The following FGF12 variants were observed in gnomAD, a reference collection of about 807,000 sequenced individuals.
The protein encoded by FGF12 is fibroblast growth factor 12.
In FGF12, 14 loss-of-function variants were observed where a neutral mutation model predicts 23.6. The observed-to-expected ratio is 0.59, with a 90% CI of 0.39 to 0.93. FGF12 has a LOEUF of 0.93. FGF12 is among the 40% of genes least tolerant of loss of function. The pLI is 0.00. For synonymous variants in FGF12, 62 were observed against 77.3 expected (o/e 0.80, Z 1.04); for missense variants, 175 against 217.8 (o/e 0.80, Z 1.24).
chr3:192,512,859 T>TATATATATATATATATATATATATAAAA (rs376386122), intron 2 of FGF12, among the ~76,000 whole-genome samples: 10 of 57,404 alleles, frequency 1.7e-4, no homozygotes, highest in African/African-American at 5.2e-4. Flanking sequence ...TATATATATA[T>TATATATATATATATATATATATATAAAA]AACAGGCTAT....
intron 4 of FGF12, among the ~76,000 whole-genome samples, chr3:192,286,534 T>C (rs1454469144): frequency 6.6e-6 from 1 of 152,020 alleles, no homozygotes; most frequent in African/African-American, 2.4e-5. Context: ...GTTTCACATA[T>C]GCTTACAAAT....
At chr3:192,397,283 T>C (rs1720566161) in intron 2 of FGF12, among the ~76,000 whole-genome samples, 1 of 152,176 alleles carries the variant, frequency 6.6e-6, no homozygotes, top group South Asian at 2.1e-4. Flanking sequence ...CCAGGGATTG[T>C]CAGGGAAAGA....
intron 2 of FGF12, among the ~76,000 whole-genome samples, chr3:192,607,762 G>A (rs905941523): frequency 1.3e-5 from 2 of 150,206 alleles, no homozygotes; most frequent in African/African-American, 2.5e-5. Flanking sequence ...TAAAAAGTTC[G>A]TTGGTGGAAA....
chr3:192,714,665 C>T (rs1374185998), intron 2 of FGF12, among the ~76,000 whole-genome samples: 2 of 151,504 alleles, frequency 1.3e-5, no homozygotes, highest in Non-Finnish European at 3.0e-5. Flanking sequence ...ACTACAGGCG[C>T]CCGCCACTAC....
rs1422111138 is a variant in FGF12, at chr3:192,141,869, T to C, written c.*2140A>G. ...TGCTAAAAGAGCCAGTGTCCCATAG[T>C]GTTGAAGTTTCTTTTTTATTTTTTT... On this transcript the variant is annotated 3_prime_UTR_variant, in exon 6 of 6. Coordinates refer to ENST00000445105, the MANE Select transcript of FGF12 (RefSeq NM_004113.6). The C allele has an allele frequency of 1.3e-5, 2 of 151,982 alleles. No individual in the cohort carries two copies. Among genetic ancestry groups the C allele is most frequent in the African/African-American group, 4.8e-5 (2 of 41,430 alleles). 9.4% of individuals were successfully genotyped at this position (151,982 alleles called of 1,614,324 possible). A position where few individuals can be genotyped will look rare whatever the true frequency, so the allele number is the denominator to read the frequency against.
At chr3:192,347,913 G>A (rs1007245888) in intron 3 of FGF12, among the ~76,000 whole-genome samples, 9 of 151,974 alleles carry the variant, frequency 5.9e-5, no homozygotes, top group East Asian at 1.9e-4. Context: ...CCCATTTTGC[G>A]GATGAGGAAC....
intron 4 of FGF12, among the ~76,000 whole-genome samples, chr3:192,316,111 C>T (rs1716215890): frequency 6.6e-6 from 1 of 152,104 alleles, no homozygotes; most frequent in South Asian, 2.1e-4. Context: ...AGGGATCTCC[C>T]TCTGTGGTAT....
At chr3:192,698,731 A>G (rs77680319) in intron 2 of FGF12, among the ~76,000 whole-genome samples, 5,590 of 152,238 alleles carry the variant, frequency 0.037, 371 homozygotes, top group African/African-American at 0.13. Flanking sequence ...TGTCAGCTTT[A>G]TAATTTACCT....
At chr3:192,305,678 AAATAT>A (rs1415173855) in intron 4 of FGF12, among the ~76,000 whole-genome samples, 5 of 126,330 alleles carry the variant, frequency 4.0e-5, no homozygotes, top group African/African-American at 1.7e-4. Flanking sequence ...AAAAAAAAAA[AAATAT>A]ATATATATAT....
At chr3:192,395,688 C>T (rs778285885) in intron 2 of FGF12, among the ~76,000 whole-genome samples, 4 of 152,148 alleles carry the variant, frequency 2.6e-5, no homozygotes, top group African/African-American at 7.2e-5. Flanking sequence ...ACAAGACAGA[C>T]TAACCGCAGA....
intron 2 of FGF12, among the ~76,000 whole-genome samples, chr3:192,363,103 G>A (rs567786090): frequency 2.7e-5 from 4 of 150,736 alleles, no homozygotes; most frequent in East Asian, 3.9e-4. Context: ...GTAGGGGGAG[G>A]GGGGAGGGAT....
chr3:192,589,607 C>G (rs1300904876), intron 2 of FGF12, among the ~76,000 whole-genome samples: 1 of 151,692 alleles, frequency 6.6e-6, no homozygotes, highest in Admixed American at 6.6e-5. Context: ...TATAGAACAC[C>G]CATTATGTAA....
intron 4 of FGF12, among the ~76,000 whole-genome samples, chr3:192,272,056 A>G (rs993046207): frequency 3.3e-5 from 5 of 152,302 alleles, no homozygotes; most frequent in East Asian, 1.9e-4. Flanking sequence ...CTTTCCTCCA[A>G]GTGATATTAG....
chr3:192,188,309 C>A (rs2108643724), intron 4 of FGF12, among the ~76,000 whole-genome samples: 1 of 152,282 alleles, frequency 6.6e-6, no homozygotes, highest in Non-Finnish European at 1.5e-5. Context: ...GTCCTCTTTA[C>A]AGGTTAATGG....
chr3:192,640,076 T>G (rs1212585092), intron 2 of FGF12, among the ~76,000 whole-genome samples: 1 of 150,756 alleles, frequency 6.6e-6, no homozygotes, highest in Non-Finnish European at 1.5e-5. Flanking sequence ...GGGATGGGAA[T>G]GGGGGAAGGA....
chr3:192,538,821 A>G (rs1725296814), intron 2 of FGF12, among the ~76,000 whole-genome samples: 1 of 152,118 alleles, frequency 6.6e-6, no homozygotes, highest in South Asian at 2.1e-4. Context: ...TTCTTGCATC[A>G]ATGTTTTATA....
Position 192,360,347 on chromosome 3 carries a change from C to A in FGF12, c.124+81G>T. 1 of 956,960 alleles carries A rather than the reference C, an allele frequency of 1.0e-6. No individual in the cohort carries two copies. Among genetic ancestry groups the A allele is most frequent in the South Asian group, 1.4e-5 (1 of 73,464 alleles). 59.3% of individuals were successfully genotyped at this position (956,960 alleles called of 1,614,324 possible). ...TGAAAGGCATAGTTTGGTAAGGCAGCTTAGCAATGCTTTAAGTATAAGATA... is the reference window on the plus strand; with the variant it reads ...TGAAAGGCATAGTTTGGTAAGGCAGATTAGCAATGCTTTAAGTATAAGATA... On this transcript the variant is annotated intron_variant, in intron 3 of 5. Coordinates refer to ENST00000445105, the MANE Select transcript of FGF12 (RefSeq NM_004113.6). This position sits in a 1 kb window ranked among gnomAD's most constrained non-coding sequence, Gnocchi z 4.3.
chr3:192,351,542 A>G (rs191730895), intron 3 of FGF12, among the ~76,000 whole-genome samples: 3 of 152,360 alleles, frequency 2.0e-5, no homozygotes, highest in Admixed American at 2.0e-4. Flanking sequence ...CTAGGCAGGT[A>G]GGAAGAAAAT....
chr3:192,459,453 T>G (rs1229853501), intron 2 of FGF12, among the ~76,000 whole-genome samples: 1 of 152,238 alleles, frequency 6.6e-6, no homozygotes, highest in African/African-American at 2.4e-5. Context: ...GTTATGATGC[T>G]ACATTCAAAA....
Sources: allele counts gnomAD v4.1 joint callset (sites outside exome capture counted in the v4.1 genomes callset), GRCh38; gene constraint gnomAD v4.1.1; non-coding constraint Gnocchi (gnomAD v3.1); transcripts MANE v1.5; gene names NCBI Gene and HGNC (gene_info 2026-07-23, HGNC 2026-07-21).